FGF14: variants seen among roughly 807,000 people sequenced by gnomAD.
FGF14 encodes fibroblast growth factor homologous factor 4.
FGF14 carries 5 observed loss-of-function variants against 25.5 expected under a neutral mutation model. The ratio of observed to expected loss-of-function variants is 0.20; its 90% CI spans 0.10 to 0.41. FGF14 has a LOEUF of 0.41. Among genes scored for constraint, FGF14 ranks in the 10% least tolerant of loss-of-function variants. FGF14 has a pLI of 1.00. For synonymous variants in FGF14, 138 were observed against 118.3 expected (o/e 1.17, Z -1.08); for missense variants, 222 against 320.1 (o/e 0.69, Z 2.34).
chr13:101,998,088 T>A (rs938001492), intron 1 of FGF14, among the ~76,000 whole-genome samples: 3 of 152,106 alleles, frequency 2.0e-5, no homozygotes, highest in African/African-American at 7.2e-5. Context: ...TTTGATTTGC[T>A]AATTGGGTTA....
At chr13:101,863,839 C>A (rs1012265820) in intron 3 of FGF14, among the ~76,000 whole-genome samples, 46 of 152,088 alleles carry the variant, frequency 3.0e-4, no homozygotes, top group African/African-American at 1.1e-3. Flanking sequence ...ATGAACAGTT[C>A]ATGGAAGCAT....
intron 1 of FGF14, among the ~76,000 whole-genome samples, chr13:102,257,915 A>C (rs950253750): frequency 1.3e-5 from 2 of 152,100 alleles, no homozygotes; most frequent in Non-Finnish European, 2.9e-5. Context: ...TTCTACCTAT[A>C]GCTGTGTATT....
intron 3 of FGF14, among the ~76,000 whole-genome samples, chr13:101,773,144 C>A (rs1047907119): frequency 6.6e-6 from 1 of 152,102 alleles, no homozygotes; most frequent in South Asian, 2.1e-4. Flanking sequence ...TATCAGTAGA[C>A]ATATTCTGCA....
intron 1 of FGF14, among the ~76,000 whole-genome samples, chr13:102,156,430 T>C (rs1307186782): frequency 6.6e-6 from 1 of 152,202 alleles, no homozygotes; most frequent in Non-Finnish European, 1.5e-5. Flanking sequence ...TCTCAACAGA[T>C]GCAGAAAAAG....
At chr13:101,978,648 C>T (rs1409441595) in intron 1 of FGF14, among the ~76,000 whole-genome samples, 3 of 152,162 alleles carry the variant, frequency 2.0e-5, no homozygotes, top group African/African-American at 7.2e-5. Flanking sequence ...TATCACTATG[C>T]TGATAACATC....
chr13:102,273,311 G>C (rs2053345789), intron 1 of FGF14, among the ~76,000 whole-genome samples: 1 of 152,120 alleles, frequency 6.6e-6, no homozygotes. Flanking sequence ...ATGACAAAAA[G>C]AAATAGCAGC....
intron 1 of FGF14, among the ~76,000 whole-genome samples, chr13:101,960,669 T>C (rs959372588): frequency 3.9e-5 from 6 of 152,184 alleles, no homozygotes; most frequent in African/African-American, 1.4e-4. Flanking sequence ...ATATATATCT[T>C]TACAATAGAA....
intron 1 of FGF14, among the ~76,000 whole-genome samples, chr13:102,135,679 G>A (rs184975561): frequency 1.1e-3 from 175 of 152,190 alleles, no homozygotes; most frequent in African/African-American, 3.7e-3. Flanking sequence ...TTTTTGGGAC[G>A]GAGTCTCGCT....
At chr13:101,742,169 T>C (rs762358339) in intron 3 of FGF14, among the ~76,000 whole-genome samples, 1 of 152,162 alleles carries the variant, frequency 6.6e-6, no homozygotes, top group Non-Finnish European at 1.5e-5. Context: ...GTTAGTTTGC[T>C]GAGAATCTAG....
chr13:101,897,334 T>G (rs986583777), intron 1 of FGF14, among the ~76,000 whole-genome samples: 1 of 152,202 alleles, frequency 6.6e-6, no homozygotes, highest in African/African-American at 2.4e-5. Flanking sequence ...AGTCACTTAT[T>G]CAAAAGCACA....
At chr13:102,192,539 C>T (rs1725589126) in intron 1 of FGF14, among the ~76,000 whole-genome samples, 1 of 152,126 alleles carries the variant, frequency 6.6e-6, no homozygotes, top group African/African-American at 2.4e-5. Flanking sequence ...TCTTCTTCAA[C>T]TTCTCTCTCT....
In FGF14 at chr13:102,375,772, A is replaced by G. The variant is rs193190587; in HGVS notation, c.208+25699T>C. ...AGCAATTAAAGTATCAATAAAAGCT[A>G]TCTGCCTTGTTTGTTTTTCCAATCT... On this transcript the variant is annotated intron_variant, in intron 1 of 4. Coordinates refer to the FGF14 transcript ENST00000376131. Among the ~76,000 whole-genome samples, 146 of 152,310 alleles carry G rather than the reference A, an allele frequency of 9.6e-4. 2 individuals are homozygous for G. Among genetic ancestry groups the G allele is most frequent in the African/African-American group, 3.3e-3 (137 of 41,568 alleles).
At chr13:101,909,596 G>A (rs977187335) in intron 1 of FGF14, among the ~76,000 whole-genome samples, 1 of 152,188 alleles carries the variant, frequency 6.6e-6, no homozygotes, top group Non-Finnish European at 1.5e-5. Flanking sequence ...GAAACAACAG[G>A]TGATAGAGAG....
chr13:102,077,727 A>G (rs1171379837), intron 1 of FGF14, among the ~76,000 whole-genome samples: 2 of 152,174 alleles, frequency 1.3e-5, no homozygotes, highest in Admixed American at 1.3e-4. Context: ...GACAATATGG[A>G]GGTTCCTCAA....
rs60149871 is a variant in FGF14 at position 102,201,102 on chromosome 13, CAAAAAAAAAAAAAA to C, written c.208+200355_208+200368del. Among the ~76,000 whole-genome samples the C allele has an allele frequency of 1.3e-3, 79 of 62,722 alleles. 1 individual carries two copies. The highest frequency in any genetic ancestry group is 4.4e-3 in the African/African-American group (67 of 15,276). 41.1% of individuals were successfully genotyped at this position (62,722 alleles called of 152,430 possible). ...GGCGACAGAGCGAGACTCCGTCTCT[CAAAAAAAAAAAAAA>C]AAAAAAAAAAAAAAAAAAAGACTAA... On this transcript the variant is annotated intron_variant, in intron 1 of 4. Transcript: ENST00000376131.
chr13:102,248,718 G>C (rs1444172557), intron 1 of FGF14, among the ~76,000 whole-genome samples: 2 of 152,098 alleles, frequency 1.3e-5, no homozygotes, highest in East Asian at 3.9e-4. Flanking sequence ...CATGTTTTAG[G>C]ACGGCTTCAG....
At chr13:102,125,151 A>T (rs902100068) in intron 1 of FGF14, among the ~76,000 whole-genome samples, 8 of 152,158 alleles carry the variant, frequency 5.3e-5, no homozygotes, top group African/African-American at 1.9e-4. Context: ...ATTGTTTAAT[A>T]TGTACACTTG....
intron 1 of FGF14, among the ~76,000 whole-genome samples, chr13:101,956,587 T>A (rs2036526689): frequency 6.6e-6 from 1 of 152,002 alleles, no homozygotes; most frequent in Admixed American, 6.6e-5. Context: ...CAAACAACAA[T>A]AACGATGGAC....
At chr13:102,015,808 G>T (rs1447488536) in intron 1 of FGF14, among the ~76,000 whole-genome samples, 1 of 152,020 alleles carries the variant, frequency 6.6e-6, no homozygotes, top group South Asian at 2.1e-4. Context: ...AAAAAAAATC[G>T]ACTTAAAGAC....
Sources: gnomAD v4.1 joint callset for allele counts (sites outside exome capture counted in the v4.1 genomes callset) on GRCh38, gnomAD v4.1.1 for gene constraint, MANE v1.5 for transcripts, NCBI Gene and HGNC (gene_info 2026-07-23, HGNC 2026-07-21) for gene names.